The following C2orf42 variants were observed in gnomAD, a reference collection of about 807,000 sequenced individuals.
The protein encoded by C2orf42 is chromosome 2 open reading frame 42, also known as uncharacterized protein C2orf42.
Under a neutral mutation model 58.9 loss-of-function variants are expected in C2orf42, and 44 were observed. That is an observed-to-expected ratio of 0.75 (90% confidence interval 0.59 to 0.96). C2orf42 has a LOEUF of 0.96. Among genes scored for constraint, C2orf42 ranks in the 40% least tolerant of loss-of-function variants. C2orf42 has a pLI of 0.00. For synonymous variants in C2orf42, 239 were observed against 265.4 expected, an observed-to-expected ratio of 0.90 and a Z score of 0.97; for missense variants, 630 against 699.2, an observed-to-expected ratio of 0.90 and a Z score of 1.12.
intron 9 of C2orf42, among the ~76,000 whole-genome samples, chr2:70,151,123 G>A (rs1032877390): frequency 6.6e-6 from 1 of 152,196 alleles, no homozygotes; most frequent in Non-Finnish European, 1.5e-5. Flanking sequence ...TGGGCAAGGC[G>A]AGAGGATAGC....
chr2:70,150,911 A>G (rs937884475), intron 9 of C2orf42, among the ~76,000 whole-genome samples: 2 of 152,036 alleles, frequency 1.3e-5, no homozygotes, highest in Admixed American at 6.6e-5. Flanking sequence ...ACACCTGGCT[A>G]ATTTTTTGTA....
At chr2:70,189,188 C>A (rs2103688704) in intron 1 of C2orf42, among the ~76,000 whole-genome samples, 1 of 147,176 alleles carries the variant, frequency 6.8e-6, no homozygotes, top group African/African-American at 2.5e-5. Flanking sequence ...AGGCGGATCA[C>A]CTGAGGTCGG....
chr2:70,190,410 C>T (rs1175992632), intron 1 of C2orf42: 3 of 152,242 alleles, frequency 2.0e-5, no homozygotes, highest in Non-Finnish European at 4.4e-5. Flanking sequence ...GCTGAGTACA[C>T]TGCGTGTTAA....
chr2:70,161,763 C>T (rs1292500112), intron 8 of C2orf42, among the ~76,000 whole-genome samples: 1 of 150,698 alleles, frequency 6.6e-6, no homozygotes, highest in Non-Finnish European at 1.5e-5. Context: ...TCGCTTGAAC[C>T]TGGGAGGTGG....
At chr2:70,156,260 AATAAAT>A (rs1672668063) in intron 9 of C2orf42, among the ~76,000 whole-genome samples, 1 of 152,204 alleles carries the variant, frequency 6.6e-6, no homozygotes, top group African/African-American at 2.4e-5. Flanking sequence ...TATAAATTAT[AATAAAT>A]ATAAAGAGGA....
intron 9 of C2orf42, among the ~76,000 whole-genome samples, chr2:70,159,645 A>C (rs1031596980): frequency 8.5e-5 from 13 of 152,136 alleles, no homozygotes; most frequent in Non-Finnish European, 1.5e-5. Flanking sequence ...GATTTGGAAA[A>C]CACCATAAAG....
intron 9 of C2orf42, among the ~76,000 whole-genome samples, chr2:70,152,927 G>A (rs1012669530): frequency 2.6e-5 from 4 of 151,860 alleles, no homozygotes; most frequent in Non-Finnish European, 5.9e-5. Context: ...CAGCTACTCA[G>A]AAGGCTGAGA....
chr2:70,179,732 T>A (rs995333113), intron 3 of C2orf42, 90 bp from the exon 4 acceptor site: 32 of 495,906 alleles, frequency 6.5e-5, no homozygotes, highest in Non-Finnish European at 9.5e-5. Flanking sequence ...AATTTCTTTT[T>A]AAAAATCCCC....
intron 4 of C2orf42, among the ~76,000 whole-genome samples, chr2:70,177,689 T>C (rs1397039512): frequency 1.3e-5 from 2 of 152,172 alleles, no homozygotes; most frequent in African/African-American, 2.4e-5. Flanking sequence ...TATACTACAC[T>C]AGCCATGCCA....
rs1272082363 is a variant in C2orf42, at chr2:70,160,933, A to G, written c.1354-146T>C. 1.3e-5 allele frequency: 8 copies of G among 593,340 alleles called. No homozygotes were observed. The East Asian group carries it at 2.5e-4, about 19-fold the overall frequency. 36.8% of individuals were successfully genotyped at this position (593,340 alleles called of 1,614,324 possible). On this transcript the variant is annotated intron_variant, in intron 8 of 9. Coordinates refer to ENST00000264434, the MANE Select transcript of C2orf42 (RefSeq NM_017880.3). ...TACAACTTCCCTGTTTTTCAAGAAA[A>G]TCCTGTCAACAAATCTGCCTTTTCT...
chr2:70,172,569 C>T (rs146062547), intron 5 of C2orf42, among the ~76,000 whole-genome samples: 3 of 152,148 alleles, frequency 2.0e-5, no homozygotes, highest in Non-Finnish European at 4.4e-5. Flanking sequence ...GTCCCAGCTA[C>T]TTGGGAGGCT....
chr2:70,179,648 A>T lies in C2orf42; in HGVS notation c.824-6T>A, dbSNP rs369768729. ...TACAATAATCTCTTTAAGACCTAAA[A>T]AAAAGAAGATTTCTGAATTATTAAT... On this transcript the variant is annotated splice_region_variant and splice_polypyrimidine_tract_variant and intron_variant, in intron 3 of 9. Transcript: ENST00000264434. 2 of 1,176,804 alleles carry T rather than the reference A, an allele frequency of 1.7e-6. No homozygotes were observed. The highest frequency in any genetic ancestry group is 2.5e-6 in the Non-Finnish European group (2 of 789,366). 72.9% of individuals were successfully genotyped at this position (1,176,804 alleles called of 1,614,324 possible).
intron 9 of C2orf42, among the ~76,000 whole-genome samples, chr2:70,154,082 A>AC (rs1181895211): frequency 6.6e-6 from 1 of 151,468 alleles, no homozygotes; most frequent in Non-Finnish European, 1.5e-5. Flanking sequence ...CAAAAAAAAA[A>AC]ACACAGAAAT....
chr2:70,178,903 C>A (rs1469124876), intron 4 of C2orf42, among the ~76,000 whole-genome samples: 2 of 147,270 alleles, frequency 1.4e-5, no homozygotes, highest in African/African-American at 5.0e-5. Context: ...CCAGCCTGGG[C>A]GACAGAGCAA....
chr2:70,168,255 T>C (rs1673540318), intron 6 of C2orf42, among the ~76,000 whole-genome samples: 1 of 149,904 alleles, frequency 6.7e-6, no homozygotes. Flanking sequence ...TAGTTGGGAC[T>C]ACAGGCCTCT....
intron 6 of C2orf42, among the ~76,000 whole-genome samples, chr2:70,166,592 C>T (rs1398550303): frequency 6.6e-6 from 1 of 150,732 alleles, no homozygotes; most frequent in African/African-American, 2.4e-5. Flanking sequence ...AGGAGAATCG[C>T]TTGAACCCAG....
chr2:70,162,178 A>C (rs1300248722), intron 8 of C2orf42, among the ~76,000 whole-genome samples: 1 of 151,420 alleles, frequency 6.6e-6, no homozygotes, highest in Non-Finnish European at 1.5e-5. Flanking sequence ...CGCCCGGCTA[A>C]TTTTTGTATT....
At chr2:70,158,113 T>C (rs60190483) in intron 9 of C2orf42, among the ~76,000 whole-genome samples, 25,276 of 151,088 alleles carry the variant, frequency 0.17, 3,615 homozygotes, top group African/African-American at 0.38. Context: ...GCAGGAGAAT[T>C]GCTTAAACCT....
chr2:70,165,209 G>T lies in C2orf42; in HGVS notation c.1253-17C>A. On this transcript the variant is annotated splice_polypyrimidine_tract_variant and intron_variant, in intron 7 of 9. Transcript: ENST00000264434. ...GAACAAAAGCTTCAACGTGAAAAAA[G>T]GACAAAATTAGATTACCAAAAAATA... The T allele has an allele frequency of 6.8e-7, 1 of 1,461,044 alleles. No homozygotes were observed. The highest frequency in any genetic ancestry group is 2.3e-5 in the East Asian group (1 of 44,046). 90.5% of individuals were successfully genotyped at this position (1,461,044 alleles called of 1,614,324 possible).
Sources: allele counts gnomAD v4.1 joint callset (sites outside exome capture counted in the v4.1 genomes callset), GRCh38; gene constraint gnomAD v4.1.1; transcripts MANE v1.5; gene names NCBI Gene and HGNC (gene_info 2026-07-23, HGNC 2026-07-21).